TTN: variants seen among roughly 807,000 people sequenced by gnomAD.
TTN encodes the protein titin, also known as connectin.
A neutral mutation model predicts 3,223.0 loss-of-function variants in TTN; 1,525 were observed. The ratio of observed to expected loss-of-function variants is 0.47; its 90% CI spans 0.45 to 0.49. The LOEUF is 0.49. Among genes scored for constraint, TTN ranks in the 20% least tolerant of loss-of-function variants. The pLI, the probability that TTN is intolerant of heterozygous loss-of-function variation, is 0.00. For missense variants in TTN, 40,786 were observed against 43,424.0 expected (o/e 0.94, Z 5.40); for synonymous variants, 14,094 against 15,161.0 (o/e 0.93, Z 5.17).
chr2:178,648,859 C>T (rs2062448582), intron 213 of TTN, among the ~76,000 whole-genome samples: 1 of 152,120 alleles, frequency 6.6e-6, no homozygotes, highest in Middle Eastern at 3.2e-3. Context: ...TAATCACTTC[C>T]TGTCTGTATT....
chr2:178,573,418 C>T lies in TTN; in HGVS notation c.72714G>A (p.Ser24238=), dbSNP rs779663528. ...CAGGATGTCCCCAGCAGACAACCATCGAATCTTTAGTAATAGTTGTCACTT... is the reference window on the plus strand; with the variant it reads ...CAGGATGTCCCCAGCAGACAACCATTGAATCTTTAGTAATAGTTGTCACTT... ...NPEVTTITKD[S]MVVCWGHPDS... The change falls in exon 326 of 363, where the codon TCG becomes TCA. Residue 24238 remains serine (S), a synonymous_variant. Transcript: ENST00000589042. 9.9e-6 allele frequency: 15 copies of T among 1,518,532 alleles called. No individual in the cohort carries two copies. In the East Asian group the frequency reaches 1.4e-4, roughly 14 times the overall value. 94.1% of individuals were successfully genotyped at this position (1,518,532 alleles called of 1,614,324 possible).
intron 3 of TTN, 79 bp downstream of exon 3, chr2:178,802,059 C>T: frequency 1.3e-6 from 2 of 1,574,010 alleles, no homozygotes; most frequent in South Asian, 2.2e-5. Context: ...CTGCCCATAG[C>T]TTTTTCTGGA....
intron 79 of TTN, 50 bp from the exon 80 acceptor site, chr2:178,720,713 G>GA (rs553581264): frequency 1.9e-4 from 285 of 1,489,098 alleles, no homozygotes; most frequent in Middle Eastern, 5.6e-4. Context: ...TACTATAAAG[G>GA]AAAAAAAAAT....
chr2:178,574,306 T>G lies in TTN; in HGVS notation c.71826A>C (p.Thr23942=). The G allele has an allele frequency of 6.2e-7, 1 of 1,613,524 alleles. No individual in the cohort carries two copies. The highest frequency in any genetic ancestry group is 8.5e-7 in the Non-Finnish European group (1 of 1,179,664). ...TATATTCAGGCTTAGCCCATTTAAG[T>G]GTTACTGTGTGTCTTGTAATATTTA... ...VPLNITRHTV[T]LKWAKPEYTG... Residue 23942 remains threonine, a synonymous_variant, in exon 326 of 363, where the codon ACA becomes ACC. Coordinates refer to ENST00000589042, the MANE Select transcript of TTN (RefSeq NM_001267550.2).
rs747468143 is a variant in TTN, at chr2:178,617,018, A to G, written c.47876-5T>C. ...TTAAATCCATTGTTGGTTCAACTAC[A>G]AAGAAGAAAAGTTAATGAGTTTGCA... On this transcript the variant is annotated splice_region_variant and splice_polypyrimidine_tract_variant and intron_variant, in intron 255 of 362. Transcript: ENST00000589042. The G allele has an allele frequency of 2.5e-6, 4 of 1,612,220 alleles. No homozygotes were observed. The highest frequency in any genetic ancestry group is 3.4e-6 in the Non-Finnish European group (4 of 1,178,946).
In TTN at chr2:178,785,988, C is replaced by T. The variant is rs144639994; in HGVS notation, c.2230G>A (p.Ala744Thr). The T allele has an allele frequency of 2.8e-4, 460 of 1,614,044 alleles. 3 individuals are homozygous for T. In the East Asian group the frequency reaches 6.2e-3, roughly 22 times the overall value. ...EYGYKERISA[A>T]KVAEPPQRPA... ...CGTTGGGGAGGCTCAGCTACCTTTG[C>T]GGCGGAAATGCGTTCCTTATATCCG... is the stretch of plus-strand genomic sequence containing the variant. Residue 744 changes from alanine to threonine, a missense_variant, in exon 14 of 363, where the codon GCA becomes ACA. Physicochemically the swap from Ala to Thr is moderately conservative, Grantham distance 58. Transcript: ENST00000589042.
At position 178,568,373 on chromosome 2, in the gene TTN, C is replaced by G. The variant is rs1215844222; in HGVS notation, c.77759G>C (p.Gly25920Ala). 1 of 1,613,250 alleles carries G rather than the reference C, an allele frequency of 6.2e-7. No individual in the cohort carries two copies. Among genetic ancestry groups the G allele is most frequent in the Admixed American group, 1.7e-5 (1 of 59,940 alleles). ...LSWNPPLYTG[G>A]CQITNYIVQK... ...AACAATGTAGTTGGTGATTTGGCAGCCCCCTGTATATAATGGAGGGTTCCA... is the reference window on the plus strand; with the variant it reads ...AACAATGTAGTTGGTGATTTGGCAGGCCCCTGTATATAATGGAGGGTTCCA... The change falls in exon 326 of 363, where the codon GGC becomes GCC. Residue 25920 changes from glycine (G) to alanine (A), a missense_variant. Coordinates refer to ENST00000589042, the MANE Select transcript of TTN (RefSeq NM_001267550.2).
chr2:178,714,173 G>A lies in TTN; in HGVS notation c.26485C>T (p.Pro8829Ser), dbSNP rs773547286. 6.9e-6 allele frequency: 11 copies of A among 1,605,652 alleles called. No homozygotes were observed. Among genetic ancestry groups the A allele is most frequent in the Non-Finnish European group, 9.3e-6 (11 of 1,176,622 alleles). ...ECFATLSVLE[P>S]ATIVEKPESI... ...TCTGGCTTTTCTACAATTGTTGCAGGCTCTGGAATGAAATGTAAAAGATAT... is the reference window on the plus strand; with the variant it reads ...TCTGGCTTTTCTACAATTGTTGCAGACTCTGGAATGAAATGTAAAAGATAT... Residue 8829 changes from proline (P) to serine (S), a missense_variant and splice_region_variant, in exon 92 of 363, where the codon CCT becomes TCT. Transcript: ENST00000589042.
chr2:178,651,373 T>C, intron 207 of TTN, 53 bp from the exon 208 acceptor site: 6 of 1,604,362 alleles, frequency 3.7e-6, no homozygotes, highest in Non-Finnish European at 5.1e-6. Context: ...TAAACATTCA[T>C]CACATTTACA....
At position 178,769,760 on chromosome 2, in the gene TTN, T is replaced by C. The variant is rs1344696996; in HGVS notation, c.8821A>G (p.Met2941Val). 5 of 1,613,964 alleles carry C rather than the reference T, an allele frequency of 3.1e-6. No individual in the cohort carries two copies. Among genetic ancestry groups the C allele is most frequent in the Middle Eastern group, 1.6e-4 (1 of 6,082 alleles). Residue 2941 changes from methionine (M) to valine (V), a missense_variant, in exon 37 of 363, where the codon ATG becomes GTG. Coordinates refer to ENST00000589042, the MANE Select transcript of TTN (RefSeq NM_001267550.2). Reference protein sequence around the residue: ...VQGKLHQLIIMNTSTEDSAEY... With the variant: ...VQGKLHQLIIVNTSTEDSAEY... Reference sequence around the variant, plus strand: ...GCCGAGTCCTCTGTGCTGGTGTTCATGATGATCAGCTGATGGAGTTTTCCC... The same window carrying C: ...GCCGAGTCCTCTGTGCTGGTGTTCACGATGATCAGCTGATGGAGTTTTCCC...
intron 99 of TTN, among the ~76,000 whole-genome samples, chr2:178,708,604 C>T (rs2076208739): frequency 6.6e-6 from 1 of 152,030 alleles, no homozygotes; most frequent in Admixed American, 6.6e-5. Context: ...ATTTATCTGC[C>T]CATGGTAAAA....
intron 159 of TTN, 43 bp downstream of exon 159, chr2:178,669,330 C>A: frequency 6.9e-7 from 1 of 1,452,702 alleles, no homozygotes; most frequent in Non-Finnish European, 9.2e-7. Flanking sequence ...AATTTAAGGA[C>A]ATAAATGAAA....
At position 178,741,770 on chromosome 2, in the gene TTN, A is replaced by T; in HGVS notation, c.11463T>A (p.Ile3821=). The T allele has an allele frequency of 6.2e-7, 1 of 1,613,566 alleles. No homozygotes were observed. Among genetic ancestry groups the T allele is most frequent in the South Asian group, 1.1e-5 (1 of 91,078 alleles). ...FDSEKEGTGP[I]FIKEVSNADI... ...CAGCATTTGACACTTCTTTGATGAA[A>T]ATTGGGCCAGTGCCTTCCTTTTCGG... Residue 3821 remains isoleucine (I), a synonymous_variant, in exon 48 of 363, where the codon ATT becomes ATA. Coordinates refer to ENST00000589042, the MANE Select transcript of TTN (RefSeq NM_001267550.2).
intron 326 of TTN, 25 bp downstream of exon 326, chr2:178,559,286 G>T: frequency 1.3e-6 from 2 of 1,539,646 alleles, no homozygotes; most frequent in East Asian, 2.3e-5. Context: ...TGGATATGTA[G>T]AATTTCCTTA....
Position 178,532,748 on chromosome 2 carries a change from T to G in TTN, c.103867A>C (p.Lys34623Gln), listed in dbSNP as rs564320682. Residue 34623 changes from lysine to glutamine, a missense_variant, in exon 358 of 363, where the codon AAA becomes CAA. By Grantham distance (53) the Lys-to-Gln change is moderately conservative. Transcript: ENST00000589042. ...DQYRPKWRIP[K>Q]LSQDDLEIVR... Reference sequence around the variant, plus strand: ...ATCTCAAGATCATCTTGGGACAGTTTAGGAATACGCCATTTAGGTCTGTAT... The same window carrying G: ...ATCTCAAGATCATCTTGGGACAGTTGAGGAATACGCCATTTAGGTCTGTAT... The G allele has an allele frequency of 6.2e-7, 1 of 1,613,962 alleles. No individual in the cohort carries two copies. The highest frequency in any genetic ancestry group is 8.5e-7 in the Non-Finnish European group (1 of 1,179,858).
At position 178,537,805 on chromosome 2, in the gene TTN, C is replaced by A. The variant is rs1222519078; in HGVS notation, c.99402G>T (p.Trp33134Cys). 6.2e-7 allele frequency: 1 copy of A among 1,613,678 alleles called. No individual in the cohort carries two copies. Among genetic ancestry groups the A allele is most frequent in the Admixed American group, 1.7e-5 (1 of 59,976 alleles). Residue 33134 changes from tryptophan to cysteine, a missense_variant, in exon 355 of 363, where the codon TGG becomes TGT. Coordinates refer to ENST00000589042, the MANE Select transcript of TTN (RefSeq NM_001267550.2). ...IVGRPLPDIK[W>C]YRFGKELIQS... Reference sequence around the variant, plus strand: ...GTATGAGCTCTTTACCAAATCTGTACCATTTAATGTCAGGAAGAGGCCTTC... The same window carrying A: ...GTATGAGCTCTTTACCAAATCTGTAACATTTAATGTCAGGAAGAGGCCTTC...
chr2:178,578,858 A>G lies in TTN; in HGVS notation c.68172T>C (p.Tyr22724=). Residue 22724 remains tyrosine (Y), a synonymous_variant, in exon 320 of 363, where the codon TAT becomes TAC. Transcript: ENST00000589042. ...YTFRVSAENK[Y]GVGEGLKSEP... ...CCGATTTCAGGCCTTCCCCTACACC[A>G]TATTTATTTTCGGCACTGACCCTGA... is the stretch of plus-strand genomic sequence containing the variant. The G allele has an allele frequency of 1.2e-6, 2 of 1,613,124 alleles. No individual in the cohort carries two copies. The highest frequency in any genetic ancestry group is 1.7e-6 in the Non-Finnish European group (2 of 1,179,392).
chr2:178,722,623 A>G (rs751198875), intron 76 of TTN, 36 bp downstream of exon 76: 2 of 1,593,366 alleles, frequency 1.3e-6, no homozygotes, highest in African/African-American at 1.4e-5. Context: ...AGAGTTAAGG[A>G]AAAAAGAATT....
In TTN at chr2:178,786,026, G is replaced by C; in HGVS notation, c.2192C>G (p.Thr731Ser). Residue 731 changes from threonine (T) to serine (S), a missense_variant, in exon 14 of 363, where the codon ACC becomes AGC. Physicochemically the swap from Thr to Ser is moderately conservative, Grantham distance 58. Coordinates refer to ENST00000589042, the MANE Select transcript of TTN (RefSeq NM_001267550.2). Reference protein sequence around the residue: ...GHLEESYAQQTTLEYGYKERI... With the variant: ...GHLEESYAQQSTLEYGYKERI... Reference sequence around the variant, plus strand: ...TTCCTTATATCCGTACTCCAAAGTGGTCTGCTGAGCATAGGATTCTTCAAG... The same window carrying C: ...TTCCTTATATCCGTACTCCAAAGTGCTCTGCTGAGCATAGGATTCTTCAAG... 6.2e-7 allele frequency: 1 copy of C among 1,614,112 alleles called. No homozygotes were observed. Among genetic ancestry groups the C allele is most frequent in the Non-Finnish European group, 8.5e-7 (1 of 1,180,010 alleles).
Sources: gnomAD v4.1 joint callset for allele counts (sites outside exome capture counted in the v4.1 genomes callset) on GRCh38, gnomAD v4.1.1 for gene constraint, MANE v1.5 for transcripts, NCBI Gene and HGNC (gene_info 2026-07-23, HGNC 2026-07-21) for gene names.